Variants in NECTIN4 observed in about 807,000 individuals in gnomAD.
NECTIN4 encodes nectin-4.
NECTIN4 carries 19 observed loss-of-function variants against 51.7 expected under a neutral mutation model. That is an observed-to-expected ratio of 0.37 (90% CI 0.26 to 0.54). The LOEUF (loss-of-function observed/expected upper bound fraction) is 0.54, where lower values mean the gene tolerates loss of function less well. Among genes scored for constraint, NECTIN4 ranks in the 20% least tolerant of loss-of-function variants. The pLI, the probability that NECTIN4 is intolerant of heterozygous loss-of-function variation, is 0.86. For missense variants in NECTIN4, 619 were observed against 662.4 expected (o/e 0.93, Z 0.72); for synonymous variants, 283 against 286.9 (o/e 0.99, Z 0.14).
intron 1 of NECTIN4, chr1:161,087,255 G>T (rs755851584): frequency 3.3e-5 from 5 of 152,124 alleles, no homozygotes; most frequent in African/African-American, 4.8e-5. Flanking sequence ...AGCCCCCAGA[G>T]CAACCTCAGC....
Position 161,079,927 on chromosome 1 carries a change from C to T in NECTIN4, c.102G>A (p.Leu34=), listed in dbSNP as rs1268695656. 8 of 1,606,594 alleles carry T rather than the reference C, an allele frequency of 5.0e-6. No homozygotes were observed. The Admixed American group carries it at 5.0e-5, about 10-fold the overall frequency. The change falls in exon 2 of 9, where the codon CTG becomes CTA. Residue 34 remains leucine, a synonymous_variant. Transcript: ENST00000368012. ...CCACAGTTACCACGTCTGAGGTCTC[C>T]AGCTCACCCGCGGGGCACCGGCCTG... ...SFTGRCPAGE[L]ETSDVVTVVL... is the part of the protein sequence containing the mutation.
In NECTIN4 at chr1:161,072,734, T is replaced by C; in HGVS notation, c.1460A>G (p.Gln487Arg). The change falls in exon 9 of 9, where the codon CAG (glutamine) becomes CGG (arginine). Residue 487 changes from glutamine to arginine, a missense_variant. This residue lies in a region of NECTIN4 where 364 missense variants were observed against 415.7 expected (regional missense o/e 0.88). Coordinates refer to ENST00000368012, the MANE Select transcript of NECTIN4 (RefSeq NM_030916.3). ...CTTGGCCCGTAGGGTCCCATTCTCC[T>C]GAACAAAATGGTTCATGGCCTGTTT... is the stretch of plus-strand genomic sequence containing the variant. ...GIKQAMNHFVQENGTLRAKPT... is the reference protein window; with the variant it reads ...GIKQAMNHFVRENGTLRAKPT... 1.9e-6 allele frequency: 3 copies of C among 1,614,256 alleles called. No individual in the cohort carries two copies. The highest frequency in any genetic ancestry group is 1.7e-5 in the Admixed American group (1 of 60,034).
chr1:161,072,849 T>G lies in NECTIN4; in HGVS notation c.1345A>C (p.Thr449Pro). 1 of 1,614,170 alleles carries G rather than the reference T, an allele frequency of 6.2e-7. No individual in the cohort carries two copies. Among genetic ancestry groups the G allele is most frequent in the South Asian group, 1.1e-5 (1 of 91,078 alleles). The change falls in exon 9 of 9, where the codon ACC (threonine) becomes CCC (proline). Residue 449 changes from threonine (T) to proline (P), a missense_variant. By Grantham distance (38) the Thr-to-Pro change is conservative (BLOSUM62 -1). This residue lies in a region of NECTIN4 where 364 missense variants were observed against 415.7 expected (regional missense o/e 0.88). Transcript: ENST00000368012. ...EPEGRSYSTLTTVREIETQTE... is the reference protein window; with the variant it reads ...EPEGRSYSTLPTVREIETQTE... ...TGTGTTTCTATCTCCCTCACCGTGG[T>G]CAGCGTGGAGTAACTGCGGCCCTCG...
Position 161,073,211 on chromosome 1 carries a change from G to T in NECTIN4, c.1308+14C>A, listed in dbSNP as rs1466854876. 6.2e-7 allele frequency: 1 copy of T among 1,611,892 alleles called. No individual in the cohort carries two copies. The highest frequency in any genetic ancestry group is 8.5e-7 in the Non-Finnish European group (1 of 1,178,124). ...GGAGAGTGGTGGGGACACCGGTGGGGCCGGGGGCCTCACCATCACAGAGCA... is the reference window on the plus strand; with the variant it reads ...GGAGAGTGGTGGGGACACCGGTGGGTCCGGGGGCCTCACCATCACAGAGCA... On this transcript the variant is annotated intron_variant, in intron 8 of 8. Transcript: ENST00000368012.
At chr1:161,077,865 A>T (rs1047445878) in intron 2 of NECTIN4, 122 bp from the exon 3 acceptor site, 9 of 877,048 alleles carry the variant, frequency 1.0e-5, no homozygotes, top group African/African-American at 1.7e-5. Context: ...CTCTTATTTC[A>T]TGGAGACGCA....
chr1:161,084,307 G>T (rs1392227022), intron 1 of NECTIN4, among the ~76,000 whole-genome samples: 1 of 152,208 alleles, frequency 6.6e-6, no homozygotes, highest in East Asian at 1.9e-4. Flanking sequence ...GATTCCGTGT[G>T]CATGTCACAC....
At chr1:161,087,763 T>C (rs1041193562) in intron 1 of NECTIN4, among the ~76,000 whole-genome samples, 1 of 151,800 alleles carries the variant, frequency 6.6e-6, no homozygotes, top group Non-Finnish European at 1.5e-5. Flanking sequence ...GAAAGAGATG[T>C]TTGTGTGTGT....
intron 1 of NECTIN4, among the ~76,000 whole-genome samples, chr1:161,081,196 T>C (rs955313483): frequency 9.2e-5 from 14 of 152,042 alleles, no homozygotes; most frequent in Middle Eastern, 3.2e-3. Flanking sequence ...TGGGGCCAAA[T>C]CACCGGGGAA....
chr1:161,086,671 C>T (rs929995776), intron 1 of NECTIN4, among the ~76,000 whole-genome samples: 2 of 152,106 alleles, frequency 1.3e-5, no homozygotes, highest in African/African-American at 2.4e-5. Flanking sequence ...AGACTTCACC[C>T]GGAAACTCAA....
In NECTIN4 at chr1:161,079,727, G is replaced by GGCT; in HGVS notation, c.299_301dup (p.Gln100dup). On this transcript the variant is annotated inframe_insertion, in exon 2 of 9. Coordinates refer to ENST00000368012, the MANE Select transcript of NECTIN4 (RefSeq NM_030916.3). Reference sequence around the variant, plus strand: ...GTCCAGGGGGTTGCGTGGGGGCGGCGGCTGCTCCACGCGGCCCTCGTAAGC... The same window carrying GGCT: ...GTCCAGGGGGTTGCGTGGGGGCGGCGGCTGCTGCTCCACGCGGCCCTCGTAAGC... The GGCT allele has an allele frequency of 6.2e-7, 1 of 1,609,618 alleles. No homozygotes were observed.
In NECTIN4 at chr1:161,079,654, G is replaced by T; in HGVS notation, c.375C>A (p.Tyr125Ter). The change falls in exon 2 of 9, where the codon TAC becomes TAA. Residue 125 changes from tyrosine (Y) to a stop codon, truncating the protein, a stop_gained. Transcript: ENST00000368012. LOFTEE classifies it high-confidence loss of function. ...RNAVQADEGE[Y>*]ECRVSTFPAG... ...CGGGGAAGGTGCTGACCCGGCACTC[G>T]TACTCGCCCTCATCCGCCTGCACTG... is the stretch of plus-strand genomic sequence containing the variant. 1 of 1,606,024 alleles carries T rather than the reference G, an allele frequency of 6.2e-7. No individual in the cohort carries two copies.
At chr1:161,088,907 A>G (rs901081130) in intron 1 of NECTIN4, among the ~76,000 whole-genome samples, 3 of 151,918 alleles carry the variant, frequency 2.0e-5, no homozygotes, top group Non-Finnish European at 4.4e-5. Context: ...CTGCCTGCCC[A>G]TCTACACTGG....
At chr1:161,083,106 C>T (rs191762639) in intron 1 of NECTIN4, among the ~76,000 whole-genome samples, 9 of 152,254 alleles carry the variant, frequency 5.9e-5, no homozygotes, top group African/African-American at 1.7e-4. Context: ...TGTGAGTCCA[C>T]GATCCCCACC....
At chr1:161,087,430 G>A (rs1653997554) in intron 1 of NECTIN4, 1 of 151,652 alleles carries the variant, frequency 6.6e-6, no homozygotes, top group Non-Finnish European at 1.5e-5. Context: ...CTCTTAGTAA[G>A]AACAGTTTTG....
rs768758193 is a variant in NECTIN4, at chr1:161,077,721, A to G, written c.462T>C (p.Asn154=). ...RVLVPPLPSL[N]PGPALEEGQG... is the part of the protein sequence containing the mutation. ...GGCCCTCTTCTAGTGCTGGACCAGG[A>G]TTCAGTGAGGGCAGGGGAGGCACTG... The change falls in exon 3 of 9, where the codon AAT becomes AAC. Residue 154 remains asparagine (N), a synonymous_variant. Transcript: ENST00000368012. 1 of 1,610,842 alleles carries G rather than the reference A, an allele frequency of 6.2e-7. No homozygotes were observed. The highest frequency in any genetic ancestry group is 1.7e-5 in the Admixed American group (1 of 60,016).
At chr1:161,080,340 C>T (rs186088135) in intron 1 of NECTIN4, among the ~76,000 whole-genome samples, 1 of 152,154 alleles carries the variant, frequency 6.6e-6, no homozygotes. Flanking sequence ...AATTTATGCA[C>T]AAAGAAACAG....
chr1:161,074,779 A>G lies in NECTIN4; in HGVS notation c.852-20T>C, dbSNP rs774871815. On this transcript the variant is annotated intron_variant, in intron 4 of 8. Transcript: ENST00000368012. ...TCCAGCCTGGAAGACAGGGAAGCTG[A>G]AGGGTGCCAGCCGGGAAGGGCTGAA... 5 of 1,611,574 alleles carry G rather than the reference A, an allele frequency of 3.1e-6. No homozygotes were observed. The highest frequency in any genetic ancestry group is 1.7e-5 in the Admixed American group (1 of 59,800).
At chr1:161,076,542 C>T in intron 3 of NECTIN4, 67 bp from the exon 4 acceptor site, 1 of 1,598,424 alleles carries the variant, frequency 6.3e-7, no homozygotes, top group East Asian at 2.2e-5. Context: ...CCTCAAAGGG[C>T]CCTGCCCCCA....
intron 3 of NECTIN4, 78 bp from the exon 4 acceptor site, chr1:161,076,553 C>T (rs935222072): frequency 1.3e-6 from 2 of 1,582,464 alleles, no homozygotes; most frequent in East Asian, 2.2e-5. Context: ...CCTGCCCCCA[C>T]CCCACCCTGC....
Sources: allele counts gnomAD v4.1 joint callset (sites outside exome capture counted in the v4.1 genomes callset), GRCh38; gene constraint gnomAD v4.1.1; regional missense constraint gnomAD v4.1.1; transcripts MANE v1.5; gene names NCBI Gene and HGNC (gene_info 2026-07-23, HGNC 2026-07-21).